Variants in PIGL observed in about 807,000 individuals in gnomAD.
PIGL encodes the protein phosphatidylinositol glycan anchor biosynthesis class L, also known as N-acetylglucosaminyl-phosphatidylinositol de-N-acetylase.
PIGL carries 22 observed loss-of-function variants against 31.1 expected under a neutral mutation model. That is an observed-to-expected ratio of 0.71 (90% CI 0.51 to 1.01). The LOEUF (loss-of-function observed/expected upper bound fraction) is 1.01. Ranked by LOEUF, PIGL falls within the 50% of genes least tolerant of loss-of-function variation. The pLI, the probability that PIGL is intolerant of heterozygous loss-of-function variation, is 0.00. For synonymous variants in PIGL, 131 were observed against 117.4 expected (o/e 1.12, Z -0.75); for missense variants, 302 against 315.9 (o/e 0.96, Z 0.33).
intron 6 of PIGL, among the ~76,000 whole-genome samples, chr17:16,320,526 GAAA>G (rs2093100779): frequency 7.0e-6 from 1 of 143,294 alleles, no homozygotes. Context: ...AGAAAGAAAA[GAAA>G]AGAAGAAGGA....
At position 16,307,963 on chromosome 17, in the gene PIGL, C is replaced by CG. The variant is rs1414987009; in HGVS notation, c.427-5584_427-5583insG. Among the ~76,000 whole-genome samples the CG allele has an allele frequency of 4.8e-4, 30 of 62,598 alleles. 1 individual carries two copies. The highest frequency in any genetic ancestry group is 1.1e-3 in the African/African-American group (21 of 18,676). 41.1% of individuals were successfully genotyped at this position (62,598 alleles called of 152,430 possible). A position where few individuals can be genotyped will look rare whatever the true frequency, so the allele number is the denominator to read the frequency against. On this transcript the variant is annotated intron_variant, in intron 3 of 6. Coordinates refer to ENST00000225609, the MANE Select transcript of PIGL (RefSeq NM_004278.4). ...TGGGCAACAGAGGGAGACCTTGTCT[C>CG]AAAAAAAAAAAAAAAAAGCCTGGAT... is the stretch of plus-strand genomic sequence containing the variant.
chr17:16,311,158 T>C (rs2093047675), intron 3 of PIGL, among the ~76,000 whole-genome samples: 1 of 152,174 alleles, frequency 6.6e-6, no homozygotes, highest in Admixed American at 6.6e-5. Context: ...TCACCTTTCC[T>C]TGGGGACAGC....
At chr17:16,274,833 A>T (rs2092887665) in intron 2 of PIGL, among the ~76,000 whole-genome samples, 1 of 151,968 alleles carries the variant, frequency 6.6e-6, no homozygotes, top group Non-Finnish European at 1.5e-5. Context: ...GGAGTTTGAG[A>T]CCAGCCTGGC....
intron 2 of PIGL, among the ~76,000 whole-genome samples, chr17:16,295,173 G>A (rs555174041): frequency 1.3e-3 from 197 of 152,192 alleles, no homozygotes; most frequent in African/African-American, 4.4e-3. Context: ...GGAGGCTGAG[G>A]CGGGCGGATC....
At chr17:16,311,963 A>T (rs567247969) in intron 3 of PIGL, among the ~76,000 whole-genome samples, 5 of 152,150 alleles carry the variant, frequency 3.3e-5, no homozygotes, top group African/African-American at 1.2e-4. Context: ...GTTCTCAATG[A>T]GCTGTTGGGT....
At chr17:16,325,673 AC>A in intron 6 of PIGL, 126 bp from the exon 7 acceptor site, 1 of 709,486 alleles carries the variant, frequency 1.4e-6, no homozygotes, top group South Asian at 1.7e-5. Context: ...CAGGAAGAAG[AC>A]AGATAAGGCT....
At chr17:16,284,669 G>A (rs1367373961) in intron 2 of PIGL, among the ~76,000 whole-genome samples, 1 of 151,982 alleles carries the variant, frequency 6.6e-6, no homozygotes, top group Non-Finnish European at 1.5e-5. Flanking sequence ...CTTAGCACAC[G>A]AGGACAGCTT....
chr17:16,305,529 A>T (rs1284509395), intron 3 of PIGL, among the ~76,000 whole-genome samples: 2 of 152,234 alleles, frequency 1.3e-5, no homozygotes, highest in Admixed American at 6.5e-5. Flanking sequence ...AAGTTCAGAG[A>T]GCTGAATACA....
Position 16,231,227 on chromosome 17 carries a change from C to A in PIGL, c.236-2744C>A, listed in dbSNP as rs57508446. Among the ~76,000 whole-genome samples the A allele has an allele frequency of 6.6e-3, 927 of 139,756 alleles. 10 individuals are homozygous for A. Among genetic ancestry groups the A allele is most frequent in the East Asian group, 0.036 (173 of 4,828 alleles). 91.7% of individuals were successfully genotyped at this position (139,756 alleles called of 152,430 possible). A position where few individuals can be genotyped will look rare whatever the true frequency, so the allele number is the denominator to read the frequency against. ...ACCCAGCTTCTTACTGATTTATTTTCTTTTCTTTTTTTTTTTTTTTTTTGA... is the reference window on the plus strand; with the variant it reads ...ACCCAGCTTCTTACTGATTTATTTTATTTTCTTTTTTTTTTTTTTTTTTGA... On this transcript the variant is annotated intron_variant, in intron 1 of 6. Transcript: ENST00000225609.
At chr17:16,283,098 G>C (rs1009965521) in intron 2 of PIGL, among the ~76,000 whole-genome samples, 2 of 151,976 alleles carry the variant, frequency 1.3e-5, no homozygotes, top group South Asian at 4.1e-4. Flanking sequence ...TGCCTCCTGG[G>C]TTTAAGCGAT....
chr17:16,264,049 G>A (rs2092830908), intron 2 of PIGL, among the ~76,000 whole-genome samples: 1 of 120,518 alleles, frequency 8.3e-6, no homozygotes, highest in Non-Finnish European at 1.6e-5. Flanking sequence ...GTCTCATTCT[G>A]TTGCCCAGGC....
chr17:16,266,541 A>G (rs1416627152), intron 2 of PIGL, among the ~76,000 whole-genome samples: 1 of 152,066 alleles, frequency 6.6e-6, no homozygotes, highest in Non-Finnish European at 1.5e-5. Context: ...TGACCGAATC[A>G]AGACCTTTAA....
chr17:16,222,486 G>T (rs1230721006), intron 1 of PIGL, among the ~76,000 whole-genome samples: 1 of 151,940 alleles, frequency 6.6e-6, no homozygotes, highest in African/African-American at 2.4e-5. Flanking sequence ...AGGTACTATT[G>T]TTTTTTCCAT....
At chr17:16,309,445 A>C (rs1252011701) in intron 3 of PIGL, among the ~76,000 whole-genome samples, 1 of 152,240 alleles carries the variant, frequency 6.6e-6, no homozygotes, top group Non-Finnish European at 1.5e-5. Context: ...TGAGCACAAA[A>C]CAGTAATCTG....
intron 2 of PIGL, among the ~76,000 whole-genome samples, chr17:16,246,935 C>T (rs569724630): frequency 6.6e-4 from 100 of 151,182 alleles, no homozygotes; most frequent in African/African-American, 2.2e-3. Context: ...ATGATCCACC[C>T]GCCTCGGCCT....
At chr17:16,297,782 C>T (rs78684450) in intron 2 of PIGL, among the ~76,000 whole-genome samples, 1,640 of 152,222 alleles carry the variant, frequency 0.011, 36 homozygotes, top group African/African-American at 0.038. Flanking sequence ...GTGGAGTGGC[C>T]GACAGGATAG....
intron 3 of PIGL, among the ~76,000 whole-genome samples, chr17:16,310,060 A>G (rs2093042390): frequency 7.0e-6 from 1 of 143,264 alleles, no homozygotes; most frequent in South Asian, 2.3e-4. Context: ...CTTGGGCAAC[A>G]GAGTGAGACT....
At chr17:16,248,896 G>A (rs1412645658) in intron 2 of PIGL, among the ~76,000 whole-genome samples, 1 of 152,130 alleles carries the variant, frequency 6.6e-6, no homozygotes, top group Non-Finnish European at 1.5e-5. Flanking sequence ...TCAAGGTCTG[G>A]CAGGGTTGGT....
chr17:16,254,254 C>T (rs2092784147), intron 2 of PIGL, among the ~76,000 whole-genome samples: 1 of 151,998 alleles, frequency 6.6e-6, no homozygotes, highest in African/African-American at 2.4e-5. Context: ...GCATATACAC[C>T]AATTTTTTTT....
Sources: allele counts gnomAD v4.1 joint callset (sites outside exome capture counted in the v4.1 genomes callset), GRCh38; gene constraint gnomAD v4.1.1; transcripts MANE v1.5; gene names NCBI Gene and HGNC (gene_info 2026-07-23, HGNC 2026-07-21).